SMC5: variants seen among roughly 807,000 people sequenced by gnomAD.
The protein encoded by SMC5 is structural maintenance of chromosomes protein 5.
SMC5 carries 88 observed loss-of-function variants against 148.3 expected under a neutral mutation model. That is an observed-to-expected ratio of 0.59 (90% confidence interval 0.50 to 0.71). The LOEUF (loss-of-function observed/expected upper bound fraction) is 0.71, where lower values mean the gene tolerates loss of function less well. SMC5 is among the 30% of genes least tolerant of loss of function. The pLI is 0.00. For missense variants in SMC5, 1,142 were observed against 1,298.9 expected (o/e 0.88, Z 1.86); for synonymous variants, 421 against 432.8 (o/e 0.97, Z 0.34).
chr9:70,344,363 G>A, intron 18 of SMC5, 94 bp downstream of exon 18: 1 of 938,360 alleles, frequency 1.1e-6, no homozygotes, highest in African/African-American at 1.7e-5. Flanking sequence ...TGAAAAACAT[G>A]ATGTGTCGTA....
chr9:70,296,936 C>CAT (rs929184019), intron 8 of SMC5, among the ~76,000 whole-genome samples: 2 of 152,260 alleles, frequency 1.3e-5, no homozygotes, highest in African/African-American at 4.8e-5. Flanking sequence ...GGAATCTAAG[C>CAT]ATATAGACTG....
chr9:70,307,427 C>G (rs866097358), intron 11 of SMC5, among the ~76,000 whole-genome samples: 4 of 152,008 alleles, frequency 2.6e-5, no homozygotes, highest in African/African-American at 7.2e-5. Flanking sequence ...TAAGAAAGAG[C>G]TTTTTCTTCT....
chr9:70,302,400 G>A (rs1587665530), intron 10 of SMC5, among the ~76,000 whole-genome samples: 1 of 152,078 alleles, frequency 6.6e-6, no homozygotes, highest in South Asian at 2.1e-4. Context: ...GGCTGAGGCA[G>A]GAGAATCGCT....
In SMC5 at chr9:70,318,546, T is replaced by C; in HGVS notation, c.1839T>C (p.Tyr613=). 6.2e-7 allele frequency: 1 copy of C among 1,610,600 alleles called. No individual in the cohort carries two copies. The change falls in exon 14 of 25, where the codon TAT becomes TAC. Residue 613 remains tyrosine, a synonymous_variant. Coordinates refer to ENST00000361138, the MANE Select transcript of SMC5 (RefSeq NM_015110.4). ...AAGAAACCCGATTAAAACAGATTTATACAGCAGAAGAAAAGTATGTGGTGA... is the reference window on the plus strand; with the variant it reads ...AAGAAACCCGATTAAAACAGATTTACACAGCAGAAGAAAAGTATGTGGTGA... ...VIQETRLKQI[Y]TAEEKYVVKT...
intron 11 of SMC5, 31 bp downstream of exon 11, chr9:70,305,391 C>T (rs1252451012): frequency 8.1e-7 from 1 of 1,229,988 alleles, no homozygotes; most frequent in Non-Finnish European, 1.2e-6. Context: ...CACTTTGATT[C>T]ACTTGACACT....
chr9:70,283,359 C>T lies in SMC5; in HGVS notation c.981+776C>T, dbSNP rs577987889. Among the ~76,000 whole-genome samples the T allele has an allele frequency of 1.8e-3, 281 of 152,242 alleles. 1 individual carries two copies. Among genetic ancestry groups the T allele is most frequent in the Admixed American group, 4.5e-3 (69 of 15,290 alleles). On this transcript the variant is annotated intron_variant, in intron 7 of 24. Transcript: ENST00000361138. ...TGTGTGCCTATAGGTCCCTGCTACT[C>T]ATGAGGCTGAGGCAGGAGGATCACT...
intron 17 of SMC5, among the ~76,000 whole-genome samples, chr9:70,330,923 G>C (rs1409877581): frequency 6.6e-6 from 1 of 152,090 alleles, no homozygotes; most frequent in Non-Finnish European, 1.5e-5. Flanking sequence ...ATTTTACCCA[G>C]TATATCCAAA....
chr9:70,296,798 T>C (rs1208712449), intron 8 of SMC5, among the ~76,000 whole-genome samples: 2 of 152,176 alleles, frequency 1.3e-5, no homozygotes, highest in South Asian at 4.1e-4. Flanking sequence ...TGTTTATATG[T>C]GTGTGTCCTA....
In SMC5 at chr9:70,259,066, T is replaced by C; in HGVS notation, c.-13T>C. The C allele has an allele frequency of 6.3e-7, 1 of 1,595,358 alleles. No homozygotes were observed. The highest frequency in any genetic ancestry group is 1.1e-5 in the South Asian group (1 of 88,884). ...GGGAACGGAAGTCGCTGTGGGACGC[T>C]GAGGAAGCCAGGATGGCGACTCCGA... On this transcript the variant is annotated 5_prime_UTR_variant, in exon 1 of 25. Coordinates refer to ENST00000361138, the MANE Select transcript of SMC5 (RefSeq NM_015110.4).
At chr9:70,284,879 C>G (rs1329199222) in intron 7 of SMC5, among the ~76,000 whole-genome samples, 2 of 151,838 alleles carry the variant, frequency 1.3e-5, no homozygotes, top group East Asian at 3.9e-4. Context: ...AAACTTTTTC[C>G]AATACTTGTA....
intron 17 of SMC5, among the ~76,000 whole-genome samples, chr9:70,331,380 ATT>A (rs1390982150): frequency 6.6e-6 from 1 of 151,990 alleles, no homozygotes; most frequent in Non-Finnish European, 1.5e-5. Flanking sequence ...TTTGATTCTG[ATT>A]TAAACAAATC....
At chr9:70,312,486 A>G (rs955548566) in intron 11 of SMC5, among the ~76,000 whole-genome samples, 4 of 152,230 alleles carry the variant, frequency 2.6e-5, no homozygotes, top group Non-Finnish European at 4.4e-5. Context: ...TCAAATGACA[A>G]GATTGGACAC....
chr9:70,344,922 C>T (rs929430117), intron 18 of SMC5, among the ~76,000 whole-genome samples: 2 of 151,742 alleles, frequency 1.3e-5, no homozygotes, highest in African/African-American at 4.8e-5. Context: ...TTATCTATTT[C>T]AGTAGATAAT....
At position 70,318,816 on chromosome 9, in the gene SMC5, C is replaced by T; in HGVS notation, c.2003C>T (p.Ala668Val). 2 of 1,572,692 alleles carry T rather than the reference C, an allele frequency of 1.3e-6. No homozygotes were observed. Among genetic ancestry groups the T allele is most frequent in the Non-Finnish European group, 1.7e-6 (2 of 1,165,878 alleles). ...TAGGAAATTCATAGAAAATTGCAAG[C>T]AGTGGATTCAGGGTTGATTGCCTTA... The part of the protein sequence containing the change: ...QLKEIHRKLQ[A>V]VDSGLIALRE... The change falls in exon 15 of 25, where the codon GCA (alanine) becomes GTA (valine). Residue 668 changes from alanine (A) to valine (V), a missense_variant. Transcript: ENST00000361138.
At chr9:70,281,012 CT>C in intron 6 of SMC5, 113 bp downstream of exon 6, 2 of 1,192,398 alleles carry the variant, frequency 1.7e-6, no homozygotes, top group African/African-American at 1.6e-5. Flanking sequence ...TCATTTTTGG[CT>C]TTATATGTTA....
At position 70,325,606 on chromosome 9, in the gene SMC5, C is replaced by A. The variant is rs527386009; in HGVS notation, c.2397+1463C>A. On this transcript the variant is annotated intron_variant, in intron 17 of 24. Transcript: ENST00000361138. ...CTCCTTTGCAGAACAAAACTTCTTACTGAAGAGAACTAGAGCTACATGATA... is the reference window on the plus strand; with the variant it reads ...CTCCTTTGCAGAACAAAACTTCTTAATGAAGAGAACTAGAGCTACATGATA... Among the ~76,000 whole-genome samples the A allele has an allele frequency of 9.9e-5, 15 of 152,268 alleles. No homozygotes were observed. In the South Asian group the frequency reaches 3.1e-3, roughly 32 times the overall value.
Position 70,266,464 on chromosome 9 carries a change from TC to T in SMC5, c.328-1456del, listed in dbSNP as rs1227458624. 1.3e-4 allele frequency among the ~76,000 whole-genome samples: 20 copies of T among 152,336 alleles called. 1 individual carries two copies. The highest frequency in any genetic ancestry group is 4.6e-4 in the African/African-American group (19 of 41,584). Reference sequence around the variant, plus strand: ...GTTTTTTAATTGTCAGATCATTTAATCCCTATCTCTTTGTAATCGTCTGTTG... The same window carrying T: ...GTTTTTTAATTGTCAGATCATTTAATCCTATCTCTTTGTAATCGTCTGTTG... On this transcript the variant is annotated intron_variant, in intron 2 of 24. Transcript: ENST00000361138.
intron 11 of SMC5, 68 bp from the exon 12 acceptor site, chr9:70,314,674 T>G: frequency 1.4e-6 from 1 of 734,798 alleles, no homozygotes; most frequent in Non-Finnish European, 2.1e-6. Flanking sequence ...AGGAGTATGG[T>G]AACTATAAAT....
At position 70,274,207 on chromosome 9, in the gene SMC5, G is replaced by A. The variant is rs557889137; in HGVS notation, c.381-3103G>A. The stretch of plus-strand genomic sequence containing the variant: ...CGCCATTTTCCTGCCTCAGCCTCCC[G>A]AGTAGCTGGGATTACAGGCGCCCGA... On this transcript the variant is annotated intron_variant, in intron 3 of 24. Transcript: ENST00000361138. 2.9e-3 allele frequency among the ~76,000 whole-genome samples: 438 copies of A among 152,278 alleles called. 2 individuals carry two copies. Among genetic ancestry groups the A allele is most frequent in the African/African-American group, 0.01 (419 of 41,568 alleles).
Sources: gnomAD v4.1 joint callset for allele counts (sites outside exome capture counted in the v4.1 genomes callset) on GRCh38, gnomAD v4.1.1 for gene constraint, MANE v1.5 for transcripts, NCBI Gene and HGNC (gene_info 2026-07-23, HGNC 2026-07-21) for gene names.